The following NMUR2 variants were observed in gnomAD, a reference collection of about 807,000 sequenced individuals.
NMUR2 encodes the protein neuromedin U receptor 2.
Under a neutral mutation model 25.1 loss-of-function variants are expected in NMUR2, and 24 were observed. The observed-to-expected ratio is 0.96, with a 90% CI of 0.69 to 1.34. The LOEUF (loss-of-function observed/expected upper bound fraction) is 1.34, where lower values mean the gene tolerates loss of function less well. Ranked by LOEUF, NMUR2 falls within the 40% of genes most tolerant of loss-of-function variation. The probability of loss-of-function intolerance (pLI) is 0.00; values close to 1 mark genes in which losing one functional copy is unlikely to be tolerated. For synonymous variants in NMUR2, 218 were observed against 208.1 expected (o/e 1.05, Z -0.41); for missense variants, 533 against 512.8 (o/e 1.04, Z -0.38).
Position 152,393,439 on chromosome 5 carries a change from G to A in NMUR2, c.938-938C>T, listed in dbSNP as rs992033751. Among the ~76,000 whole-genome samples, 10 of 152,188 alleles carry A rather than the reference G, an allele frequency of 6.6e-5. No homozygotes were observed. The South Asian group carries it at 2.1e-3, about 32-fold the overall frequency. On this transcript the variant is annotated intron_variant, in intron 3 of 3. Transcript: ENST00000255262. ...GAACATTCAGAATGCTATATGCCTT[G>A]TTTACAGAATAAACATGGAAGAATG...
rs151084376 is a variant in NMUR2, at chr5:152,404,497, A to T, written c.617T>A (p.Val206Asp). 3.7e-3 allele frequency: 5,991 copies of T among 1,614,040 alleles called. 59 individuals carry two copies. The highest frequency in any genetic ancestry group is 2.6e-3 in the Non-Finnish European group (3,105 of 1,179,998). ...SLVPGSATCT[V>D]IKPMWIYNFI... The stretch of plus-strand genomic sequence containing the variant: ...ATTGTAGATCCACATGGGCTTGATG[A>T]CCGTACAGGTGGCCGAACCTGGGAC... The change falls in exon 1 of 4, where the codon GTC becomes GAC. Residue 206 changes from valine to aspartate, a missense_variant. Val to Asp is a radical substitution (Grantham distance 152). Coordinates refer to ENST00000255262, the MANE Select transcript of NMUR2 (RefSeq NM_020167.5).
rs141551896 is a variant in NMUR2, at chr5:152,399,674, T to C, written c.727-1530A>G. Reference sequence around the variant, plus strand: ...AACAGAAATAAAGTTAGGTTTATAATAAGATCGTGTGTTTTATTTAATTAA... The same window carrying C: ...AACAGAAATAAAGTTAGGTTTATAACAAGATCGTGTGTTTTATTTAATTAA... On this transcript the variant is annotated intron_variant, in intron 1 of 3. Coordinates refer to ENST00000255262, the MANE Select transcript of NMUR2 (RefSeq NM_020167.5). Among the ~76,000 whole-genome samples, 256 of 152,264 alleles carry C rather than the reference T, an allele frequency of 1.7e-3. 1 individual carries two copies. The highest frequency in any genetic ancestry group is 5.8e-3 in the African/African-American group (243 of 41,570).
Position 152,404,858 on chromosome 5 carries a change from T to C in NMUR2, c.256A>G (p.Ser86Gly). The C allele has an allele frequency of 6.2e-7, 1 of 1,613,920 alleles. No individual in the cohort carries two copies. The highest frequency in any genetic ancestry group is 8.5e-7 in the Non-Finnish European group (1 of 1,179,988). ...ACCAGGAGGTCAGAGACCGCCAGGC[T>C]GAAGAGGTAGTAGTTGGTGGGCGTC... The part of the protein sequence containing the change: ...MKTPTNYYLF[S>G]LAVSDLLVLL... Residue 86 changes from serine (S) to glycine (G), a missense_variant, in exon 1 of 4, where the codon AGC becomes GGC. Physicochemically the swap from Ser to Gly is moderately conservative, Grantham distance 56. Transcript: ENST00000255262.
At chr5:152,394,648 G>A (rs1753117914) in intron 3 of NMUR2, among the ~76,000 whole-genome samples, 1 of 152,174 alleles carries the variant, frequency 6.6e-6, no homozygotes, top group Admixed American at 6.6e-5. Context: ...TTATTTGTTA[G>A]CTAAGTGCCT....
chr5:152,397,942 A>G (rs1753187205), intron 2 of NMUR2, 118 bp downstream of exon 2: 1 of 682,480 alleles, frequency 1.5e-6, no homozygotes, highest in Non-Finnish European at 2.6e-6. Flanking sequence ...ATCTACTCTC[A>G]TAAATACTCT....
In NMUR2 at chr5:152,404,716, G is replaced by C. The variant is rs1162294120; in HGVS notation, c.398C>G (p.Ser133Cys). 6.2e-7 allele frequency: 1 copy of C among 1,613,994 alleles called. No individual in the cohort carries two copies. The highest frequency in any genetic ancestry group is 1.3e-5 in the African/African-American group (1 of 74,896). The change falls in exon 1 of 4, where the codon TCC (serine) becomes TGC (cysteine). Residue 133 changes from serine to cysteine, a missense_variant. Coordinates refer to ENST00000255262, the MANE Select transcript of NMUR2 (RefSeq NM_020167.5). Reference protein sequence around the residue: ...TALFETVCFASILSITTVSVE... With the variant: ...TALFETVCFACILSITTVSVE... ...GCTGACGGTGGTGATGCTGAGGATG[G>C]AGGCGAAGCACACGGTCTCAAAGAG...
chr5:152,392,608 C>G (rs1753080241), intron 3 of NMUR2, 107 bp from the exon 4 acceptor site: 2 of 816,112 alleles, frequency 2.5e-6, no homozygotes, highest in Middle Eastern at 4.7e-4. Context: ...GTGATTGCCT[C>G]TTTTATAAGT....
chr5:152,395,943 T>C (rs1463379710), intron 2 of NMUR2, among the ~76,000 whole-genome samples: 1 of 152,084 alleles, frequency 6.6e-6, no homozygotes, highest in Non-Finnish European at 1.5e-5. Context: ...CATCTTGTTG[T>C]TATAGGAATA....
At chr5:152,398,434 G>A (rs1753200172) in intron 1 of NMUR2, among the ~76,000 whole-genome samples, 1 of 152,178 alleles carries the variant, frequency 6.6e-6, no homozygotes, top group Admixed American at 6.5e-5. Flanking sequence ...CATGAAAAAT[G>A]TAAAATTCTG....
intron 2 of NMUR2, among the ~76,000 whole-genome samples, chr5:152,397,012 G>GGTTTTT (rs1554106748): frequency 2.8e-4 from 30 of 105,718 alleles, no homozygotes; most frequent in African/African-American, 8.7e-4. Flanking sequence ...TGAGCTTCAT[G>GGTTTTT]TTTTTTTTTT....
chr5:152,397,788 T>C lies in NMUR2; in HGVS notation c.811+272A>G, dbSNP rs79839671. Among the ~76,000 whole-genome samples, 1,348 of 152,274 alleles carry C rather than the reference T, an allele frequency of 8.9e-3. 63 individuals carry two copies. The highest frequency in any genetic ancestry group is 0.068 in the Admixed American group (1,041 of 15,284). ...GTGGATGAAACTGAGAGTGTTGTTT[T>C]GAGGGTTCAAAACCAAAAATGAAAC... On this transcript the variant is annotated intron_variant, in intron 2 of 3. Transcript: ENST00000255262.
chr5:152,395,627 C>T, intron 2 of NMUR2, 43 bp from the exon 3 acceptor site: 1 of 1,605,302 alleles, frequency 6.2e-7, no homozygotes, highest in Non-Finnish European at 8.5e-7. Context: ...ACAGTCTGTG[C>T]AAGGATAGGT....
rs757799993 is a variant in NMUR2, at chr5:152,404,548, A to C, written c.566T>G (p.Phe189Cys). 1.2e-6 allele frequency: 2 copies of C among 1,614,066 alleles called. No homozygotes were observed. The highest frequency in any genetic ancestry group is 2.2e-5 in the South Asian group (2 of 91,078). The change falls in exon 1 of 4, where the codon TTC becomes TGC. Residue 189 changes from phenylalanine to cysteine, a missense_variant. By Grantham distance (205) the Phe-to-Cys change is radical. Transcript: ENST00000255262. ...CAGGGACCCATTGGGGAAGTAGTGGAACTTGATGCCATGGATGCTGGTGTT... is the reference window on the plus strand; with the variant it reads ...CAGGGACCCATTGGGGAAGTAGTGGCACTTGATGCCATGGATGCTGGTGTT... ...LPNTSIHGIK[F>C]HYFPNGSLVP...
In NMUR2 at chr5:152,404,735, C is replaced by G. The variant is rs1461294560; in HGVS notation, c.379G>C (p.Glu127Gln). The G allele has an allele frequency of 6.2e-7, 1 of 1,614,152 alleles. No individual in the cohort carries two copies. Among genetic ancestry groups the G allele is most frequent in the South Asian group, 1.1e-5 (1 of 91,078 alleles). Residue 127 changes from glutamate to glutamine, a missense_variant, in exon 1 of 4, where the codon GAG becomes CAG. By Grantham distance (29) the Glu-to-Gln change is conservative. Coordinates refer to ENST00000255262, the MANE Select transcript of NMUR2 (RefSeq NM_020167.5). ...VGCYFKTALF[E>Q]TVCFASILSI... ...AGGATGGAGGCGAAGCACACGGTCT[C>G]AAAGAGGGCCGTCTTGAAGTAGCAG...
Position 152,402,576 on chromosome 5 carries a change from A to G in NMUR2, c.726+1812T>C, listed in dbSNP as rs182620386. Reference sequence around the variant, plus strand: ...CATGGACTTTTGATAATAAAACACAATGAAACTGATTGTAACAGATTGGAA... The same window carrying G: ...CATGGACTTTTGATAATAAAACACAGTGAAACTGATTGTAACAGATTGGAA... On this transcript the variant is annotated intron_variant, in intron 1 of 3. Transcript: ENST00000255262. 1.8e-4 allele frequency among the ~76,000 whole-genome samples: 28 copies of G among 152,322 alleles called. No homozygotes were observed. In the East Asian group the frequency reaches 4.4e-3, roughly 24 times the overall value.
chr5:152,396,339 A>G (rs1753150517), intron 2 of NMUR2, among the ~76,000 whole-genome samples: 1 of 152,156 alleles, frequency 6.6e-6, no homozygotes, highest in South Asian at 2.1e-4. Context: ...TATACATGAA[A>G]CAAGATTAGC....
At chr5:152,393,501 T>C (rs1753096954) in intron 3 of NMUR2, among the ~76,000 whole-genome samples, 1 of 152,298 alleles carries the variant, frequency 6.6e-6, no homozygotes, top group Middle Eastern at 3.4e-3. Context: ...ATACTATTAG[T>C]TCATTCAAAA....
rs372355495 is a variant in NMUR2 at position 152,398,006 on chromosome 5, A to G, written c.811+54T>C. The stretch of plus-strand genomic sequence containing the variant: ...GCAGCATTTAGTTGGTACCAAATGT[A>G]CCTCCTTTGCTCTTATGAACAAAAC... On this transcript the variant is annotated intron_variant, in intron 2 of 3. Transcript: ENST00000255262. The G allele has an allele frequency of 1.2e-4, 153 of 1,266,420 alleles. 1 individual carries two copies. In the African/African-American group the frequency reaches 2.2e-3, roughly 18 times the overall value. The allele number at this position is 1,266,420 out of a possible 1,614,324, so 78.4% of individuals were successfully genotyped here.
At chr5:152,401,742 G>A (rs1753257710) in intron 1 of NMUR2, among the ~76,000 whole-genome samples, 1 of 152,172 alleles carries the variant, frequency 6.6e-6, no homozygotes. Flanking sequence ...TCAAAGCCTG[G>A]AGAACAGCTC....
Sources: allele counts gnomAD v4.1 joint callset (sites outside exome capture counted in the v4.1 genomes callset), GRCh38; gene constraint gnomAD v4.1.1; transcripts MANE v1.5; gene names NCBI Gene and HGNC (gene_info 2026-07-23, HGNC 2026-07-21).